The following IFI27 variants were observed in gnomAD, a reference collection of about 807,000 sequenced individuals.
IFI27 encodes interferon alpha inducible protein 27.
A neutral mutation model predicts 8.9 loss-of-function variants in IFI27; 3 were observed. The observed-to-expected ratio is 0.34, with a 90% CI of 0.15 to 0.87. IFI27 has a LOEUF of 0.87. IFI27 is among the 40% of genes least tolerant of loss of function. The pLI is 0.51. For missense variants in IFI27, 152 were observed against 157.7 expected (o/e 0.96, Z 0.19); for synonymous variants, 66 against 67.3 (o/e 0.98, Z 0.09).
At position 94,112,542 on chromosome 14, in the gene IFI27, G is replaced by A. The variant is rs113898166; in HGVS notation, c.91+769G>A. ...CCCTGCCCTTTACCTTTCTGTCTCC[G>A]TGGGTGGACATCCAGGGGTTCCCCC... On this transcript the variant is annotated intron_variant, in intron 2 of 4. Coordinates refer to ENST00000621160, the Ensembl canonical transcript of IFI27. 8.4e-3 allele frequency among the ~76,000 whole-genome samples: 1,272 copies of A among 152,268 alleles called. 21 individuals carry two copies. The highest frequency in any genetic ancestry group is 0.029 in the African/African-American group (1,208 of 41,554).
upstream of IFI27, among the ~76,000 whole-genome samples, chr14:94,107,620 A>C (rs1434096055): frequency 6.6e-6 from 1 of 152,190 alleles, no homozygotes; most frequent in Non-Finnish European, 1.5e-5. Flanking sequence ...ATATTTGTAT[A>C]TAGTTCTGTT....
chr14:94,107,121 G>A (rs1176391517), upstream of IFI27, among the ~76,000 whole-genome samples: 1 of 152,062 alleles, frequency 6.6e-6, no homozygotes. Context: ...CCAGGCTGGA[G>A]TGCAATGGCA....
At chr14:94,110,193 G>A (rs193224408), upstream of IFI27, among the ~76,000 whole-genome samples, 71 of 152,272 alleles carry the variant, frequency 4.7e-4, no homozygotes, top group East Asian at 0.013. Context: ...TTTTGCTTTA[G>A]CGCTTCATCA....
At chr14:94,109,684 T>A (rs866041139), upstream of IFI27, among the ~76,000 whole-genome samples, 6 of 152,216 alleles carry the variant, frequency 3.9e-5, no homozygotes, top group Non-Finnish European at 8.8e-5. Context: ...CTTGTGATAG[T>A]TCCTGTTAGC....
chr14:94,115,814 G>T (rs1246091777), exon 4 of IFI27: 6 of 1,608,556 alleles, frequency 3.7e-6, no homozygotes, highest in Non-Finnish European at 5.1e-6. Context: ...ATGGTGCTCA[G>T]TGCCATGGGC....
chr14:94,114,851 C>G, exon 3 of IFI27: 1 of 1,614,102 alleles, frequency 6.2e-7, no homozygotes, highest in Non-Finnish European at 8.5e-7. Context: ...TGGTTTCCAG[C>G]CAGGATTGCT....
At chr14:94,115,324 C>A in intron 3 of IFI27, 1 of 519,894 alleles carries the variant, frequency 1.9e-6, no homozygotes, top group South Asian at 1.5e-5. Flanking sequence ...TTAGTTGCTT[C>A]CAGTGTGCTC....
intron 3 of IFI27, 149 bp downstream of exon 3, chr14:94,115,029 C>A: frequency 1.4e-6 from 1 of 725,656 alleles, no homozygotes; most frequent in Non-Finnish European, 2.4e-6. Context: ...AACCAAGGAG[C>A]TAGAAATACA....
intron 3 of IFI27, 140 bp from the exon 4 acceptor site, chr14:94,115,641 T>G: frequency 1.2e-6 from 1 of 820,292 alleles, no homozygotes. Flanking sequence ...GATTCGTGCC[T>G]ATTGGCCGTG....
chr14:94,115,339 G>A, intron 3 of IFI27: 1 of 519,422 alleles, frequency 1.9e-6, no homozygotes, highest in Non-Finnish European at 3.7e-6. Flanking sequence ...GTGCTCTGTG[G>A]CAACACCACG....
intron 3 of IFI27, chr14:94,115,276 A>G (rs1030783161): frequency 5.5e-6 from 3 of 540,962 alleles, no homozygotes; most frequent in South Asian, 1.5e-5. Context: ...TGAACACAGT[A>G]GACATGAAAG....
chr14:94,115,421 C>T, intron 3 of IFI27: 2 of 563,808 alleles, frequency 3.5e-6, no homozygotes, highest in African/African-American at 1.9e-5. Context: ...ACATCTGCTC[C>T]CCTAATGAGA....
At chr14:94,115,360 G>T (rs1378523921) in intron 3 of IFI27, 2 of 522,202 alleles carry the variant, frequency 3.8e-6, no homozygotes, top group Non-Finnish European at 7.4e-6. Context: ...GAGCCCTAGA[G>T]CTGTCTCTTT....
chr14:94,111,616 C>A lies in IFI27; in HGVS notation c.-58-9C>A. The A allele has an allele frequency of 7.4e-7, 1 of 1,350,674 alleles. No individual in the cohort carries two copies. The highest frequency in any genetic ancestry group is 1.1e-6 in the Non-Finnish European group (1 of 941,676). 83.7% of individuals were successfully genotyped at this position (1,350,674 alleles called of 1,614,324 possible). A position where few individuals can be genotyped will look rare whatever the true frequency, so the allele number is the denominator to read the frequency against. ...CCATCCCGTCCTCAGAGCTCCATCC[C>A]TTCGGCAGGTCTGGCTGAAGTTGAG... is the stretch of plus-strand genomic sequence containing the variant. On this transcript the variant is annotated splice_polypyrimidine_tract_variant and intron_variant, in intron 1 of 4. Coordinates refer to ENST00000621160, the Ensembl canonical transcript of IFI27. The surrounding 1 kb of genome is among the most constrained non-coding windows in gnomAD (Gnocchi z 4.3).
In IFI27 at chr14:94,116,111, C is replaced by T; in HGVS notation, c.283+169C>T. 1 of 855,342 alleles carries T rather than the reference C, an allele frequency of 1.2e-6. No individual in the cohort carries two copies. Among genetic ancestry groups the T allele is most frequent in the Non-Finnish European group, 1.9e-6 (1 of 525,290 alleles). The allele number at this position is 855,342 out of a possible 1,614,324, so 53.0% of individuals were successfully genotyped here. Reference sequence around the variant, plus strand: ...GGAGATGGAGGAGGGAGGGAAGGAGCCCAAGCCAGGAACAGTGCACTCAGG... The same window carrying T: ...GGAGATGGAGGAGGGAGGGAAGGAGTCCAAGCCAGGAACAGTGCACTCAGG... On this transcript the variant is annotated intron_variant, in intron 4 of 4. Coordinates refer to ENST00000621160, the Ensembl canonical transcript of IFI27. This position sits in a 1 kb window ranked among gnomAD's most constrained non-coding sequence, Gnocchi z 4.3.
At chr14:94,114,800 G>A (rs1438529942) in intron 2 of IFI27, 51 bp from the exon 3 acceptor site, 3 of 1,607,450 alleles carry the variant, frequency 1.9e-6, no homozygotes, top group Middle Eastern at 1.7e-4. Flanking sequence ...CTTAGAAAGT[G>A]GAGGGGAAGC....
upstream of IFI27, among the ~76,000 whole-genome samples, chr14:94,108,433 C>T (rs185891614): frequency 3.8e-4 from 58 of 152,236 alleles, 1 homozygote; most frequent in Admixed American, 2.1e-3. Flanking sequence ...ATATGCTGGC[C>T]GTGTATTGTT....
At position 94,111,879 on chromosome 14, in the gene IFI27, C is replaced by G; in HGVS notation, c.91+106C>G. On this transcript the variant is annotated intron_variant, in intron 2 of 4. Coordinates refer to ENST00000621160, the Ensembl canonical transcript of IFI27. This position sits in a 1 kb window ranked among gnomAD's most constrained non-coding sequence, Gnocchi z 4.3. The stretch of plus-strand genomic sequence containing the variant: ...GAGAGAAAATGGGGGACACCCGCAG[C>G]CTTGCTGCCCTGTCCTGTCTTCTCA... 3 of 870,978 alleles carry G rather than the reference C, an allele frequency of 3.4e-6. No homozygotes were observed. The highest frequency in any genetic ancestry group is 2.5e-5 in the East Asian group (1 of 40,252). The allele number at this position is 870,978 out of a possible 1,614,324, so 54.0% of individuals were successfully genotyped here. A position where few individuals can be genotyped will look rare whatever the true frequency, so the allele number is the denominator to read the frequency against.
rs1887185952 is a variant in IFI27, at chr14:94,111,591, C to T, written c.-58-34C>T. 2 of 1,018,844 alleles carry T rather than the reference C, an allele frequency of 2.0e-6. No homozygotes were observed. The highest frequency in any genetic ancestry group is 2.4e-5 in the East Asian group (1 of 41,180). 63.1% of individuals were successfully genotyped at this position (1,018,844 alleles called of 1,614,324 possible). On this transcript the variant is annotated intron_variant, in intron 1 of 4. Transcript: ENST00000621160. This position sits in a 1 kb window ranked among gnomAD's most constrained non-coding sequence, Gnocchi z 4.3. ...GTGGGAAGCAAGTCAGGTTGTGTGCCCATCCCGTCCTCAGAGCTCCATCCC... is the reference window on the plus strand; with the variant it reads ...GTGGGAAGCAAGTCAGGTTGTGTGCTCATCCCGTCCTCAGAGCTCCATCCC...
Sources: allele counts gnomAD v4.1 joint callset (sites outside exome capture counted in the v4.1 genomes callset), GRCh38; gene constraint gnomAD v4.1.1; non-coding constraint Gnocchi (gnomAD v3.1); transcripts MANE v1.5; gene names NCBI Gene and HGNC (gene_info 2026-07-23, HGNC 2026-07-21).